TDRD10: variants seen among roughly 807,000 people sequenced by gnomAD.
TDRD10 encodes the protein tudor domain-containing protein 10.
TDRD10 carries 40 observed loss-of-function variants against 48.0 expected under a neutral mutation model. The ratio of observed to expected loss-of-function variants is 0.83; its 90% CI spans 0.65 to 1.09. The LOEUF (loss-of-function observed/expected upper bound fraction) is 1.09, where lower values mean the gene tolerates loss of function less well. Among genes scored for constraint, TDRD10 ranks in the 50% least tolerant of loss-of-function variants. The pLI is 0.00. For synonymous variants in TDRD10, 162 were observed against 170.4 expected (o/e 0.95, Z 0.38); for missense variants, 378 against 434.7 (o/e 0.87, Z 1.16).
At chr1:154,518,082 A>G (rs549449064) in intron 4 of TDRD10, among the ~76,000 whole-genome samples, 1 of 152,346 alleles carries the variant, frequency 6.6e-6, no homozygotes, top group South Asian at 2.1e-4. Flanking sequence ...AGTGGTCCAT[A>G]AATGCTGATG....
chr1:154,507,123 C>A (rs944661572), intron 2 of TDRD10, 118 bp from the exon 3 acceptor site: 15 of 1,542,486 alleles, frequency 9.7e-6, no homozygotes, highest in African/African-American at 1.4e-5. Context: ...GGAAGGGAAG[C>A]CTTTGGTCAG....
intron 6 of TDRD10, among the ~76,000 whole-genome samples, chr1:154,533,838 A>G (rs1427878228): frequency 2.0e-5 from 3 of 150,872 alleles, no homozygotes; most frequent in African/African-American, 7.3e-5. Context: ...TAGCCTCCCA[A>G]AGTGCTGGGA....
intron 4 of TDRD10, among the ~76,000 whole-genome samples, chr1:154,508,855 C>T (rs1186907777): frequency 6.6e-6 from 1 of 152,106 alleles, no homozygotes; most frequent in Non-Finnish European, 1.5e-5. Context: ...AAAAATGACA[C>T]CTATTTGACT....
intron 12 of TDRD10, 87 bp downstream of exon 12, chr1:154,547,566 A>T: frequency 6.2e-7 from 1 of 1,614,224 alleles, no homozygotes; most frequent in Non-Finnish European, 8.5e-7. Flanking sequence ...AGGCCTGGAC[A>T]CAGTATTTAC....
rs1195166944 is a variant in TDRD10, at chr1:154,542,029, G to A, written c.375G>A (p.Leu125=). 2.5e-6 allele frequency: 4 copies of A among 1,613,674 alleles called. No homozygotes were observed. Among genetic ancestry groups the A allele is most frequent in the South Asian group, 2.2e-5 (2 of 90,976 alleles). The change falls in exon 7 of 13, where the codon TTG becomes TTA. Residue 125 remains leucine (L), a synonymous_variant. Transcript: ENST00000368482. ...CCTTTCATTTTTCTTCCCAGGTGTT[G>A]GAGAAGGCTTCTGGTGAAGGATTTG... The part of the protein sequence containing the change: ...MIQQPRAPLV[L]EKASGEGFGK...
intron 6 of TDRD10, among the ~76,000 whole-genome samples, chr1:154,532,387 C>G (rs1418139105): frequency 6.6e-6 from 1 of 152,194 alleles, no homozygotes; most frequent in African/African-American, 2.4e-5. Flanking sequence ...CCGCAAAGCC[C>G]ACGCCCACCC....
At chr1:154,545,048 G>A (rs1434682182) in intron 11 of TDRD10, 99 bp downstream of exon 11, 2 of 1,479,414 alleles carry the variant, frequency 1.4e-6, no homozygotes, top group African/African-American at 2.8e-5. Flanking sequence ...GGGCGGCCAA[G>A]GTGCTTCAGT....
At chr1:154,509,849 G>A (rs1693350301) in intron 4 of TDRD10, 2 of 985,282 alleles carry the variant, frequency 2.0e-6, no homozygotes, top group African/African-American at 3.5e-5. Flanking sequence ...CCTACATGTG[G>A]TTCCTGCAGT....
intron 4 of TDRD10, among the ~76,000 whole-genome samples, chr1:154,519,445 T>A (rs1167063184): frequency 6.6e-6 from 1 of 152,210 alleles, no homozygotes; most frequent in African/African-American, 2.4e-5. Context: ...AATTTTATAA[T>A]CATTAACACT....
chr1:154,541,758 C>T (rs1379852860), intron 6 of TDRD10, among the ~76,000 whole-genome samples: 1 of 152,210 alleles, frequency 6.6e-6, no homozygotes. Flanking sequence ...GCAGCTCATT[C>T]TGTGACTGTA....
At chr1:154,508,296 C>T (rs1019052488) in intron 3 of TDRD10, 127 bp from the exon 4 acceptor site, 11 of 697,814 alleles carry the variant, frequency 1.6e-5, no homozygotes, top group Middle Eastern at 5.0e-4. Context: ...AGGAGGATTG[C>T]TTGAGCCCAG....
At chr1:154,525,895 C>CAA (rs59844127) in intron 6 of TDRD10, among the ~76,000 whole-genome samples, 82 of 52,894 alleles carry the variant, frequency 1.6e-3, no homozygotes, top group African/African-American at 2.3e-3. Context: ...GATTCCGTCT[C>CAA]AAAAAAAAAA....
intron 11 of TDRD10, among the ~76,000 whole-genome samples, chr1:154,545,277 G>A (rs1465319458): frequency 6.6e-6 from 1 of 152,092 alleles, no homozygotes; most frequent in African/African-American, 2.4e-5. Context: ...CATACTTGGC[G>A]TGTTGCTTCA....
intron 6 of TDRD10, among the ~76,000 whole-genome samples, chr1:154,533,386 GT>G (rs1339513183): frequency 7.1e-6 from 1 of 141,196 alleles, no homozygotes; most frequent in African/African-American, 2.6e-5. Context: ...ACCTACTGGT[GT>G]TTCTGGGTTG....
intron 6 of TDRD10, among the ~76,000 whole-genome samples, chr1:154,524,136 A>G (rs1000141935): frequency 2.0e-5 from 3 of 152,092 alleles, no homozygotes; most frequent in Non-Finnish European, 4.4e-5. Flanking sequence ...TCCCTTGATT[A>G]TGGGTAAAAT....
chr1:154,548,106 A>G lies in TDRD10; in HGVS notation c.*396A>G. 1 of 234,202 alleles carries G rather than the reference A, an allele frequency of 4.3e-6. No individual in the cohort carries two copies. 14.5% of individuals were successfully genotyped at this position (234,202 alleles called of 1,614,324 possible). ...GCATTCCATGTAGAATAGGTAGAGAATATTTAACCAATGAGCAAATAAATG... is the reference window on the plus strand; with the variant it reads ...GCATTCCATGTAGAATAGGTAGAGAGTATTTAACCAATGAGCAAATAAATG... On this transcript the variant is annotated 3_prime_UTR_variant, in exon 13 of 13. Transcript: ENST00000368482.
chr1:154,503,631 TA>T (rs147221242), intron 1 of TDRD10, among the ~76,000 whole-genome samples: 1,655 of 152,232 alleles, frequency 0.011, 16 homozygotes, highest in Non-Finnish European at 0.017. Flanking sequence ...CTTTCTGGTT[TA>T]AAAAAAGAAA....
chr1:154,506,886 T>G lies in TDRD10; in HGVS notation c.-18T>G. ...CCGGTTGGTTTTGTAGGAGATCCTG[T>G]TGGAAAGCAACTGCAGCATGTAAGT... On this transcript the variant is annotated 5_prime_UTR_variant, in exon 2 of 13. Coordinates refer to ENST00000368482, the MANE Select transcript of TDRD10 (RefSeq NM_182499.4). The G allele has an allele frequency of 1.2e-6, 2 of 1,614,186 alleles. No homozygotes were observed. Among genetic ancestry groups the G allele is most frequent in the Non-Finnish European group, 1.7e-6 (2 of 1,180,008 alleles).
At chr1:154,545,581 CT>C (rs35446496) in intron 11 of TDRD10, among the ~76,000 whole-genome samples, 3 of 150,860 alleles carry the variant, frequency 2.0e-5, no homozygotes, top group African/African-American at 7.3e-5. Flanking sequence ...TAAAAAATTT[CT>C]TTTTTTTTCA....
Sources: gnomAD v4.1 joint callset for allele counts (sites outside exome capture counted in the v4.1 genomes callset) on GRCh38, gnomAD v4.1.1 for gene constraint, MANE v1.5 for transcripts, NCBI Gene and HGNC (gene_info 2026-07-23, HGNC 2026-07-21) for gene names.